Variants in LYST observed in about 807,000 individuals in gnomAD.
LYST encodes lysosomal trafficking regulator.
Under a neutral mutation model 413.6 loss-of-function variants are expected in LYST, and 192 were observed. The observed-to-expected ratio is 0.46, with a 90% CI of 0.41 to 0.52. The LOEUF (loss-of-function observed/expected upper bound fraction) is 0.52, where lower values mean the gene tolerates loss of function less well. Among genes scored for constraint, LYST ranks in the 20% least tolerant of loss-of-function variants. LYST has a pLI of 0.00. For missense variants in LYST, 3,815 were observed against 4,499.9 expected (o/e 0.85, Z 4.35); for synonymous variants, 1,525 against 1,567.3 (o/e 0.97, Z 0.64).
At chr1:235,687,343 T>C (rs1217067016) in intron 47 of LYST, among the ~76,000 whole-genome samples, 2 of 152,176 alleles carry the variant, frequency 1.3e-5, no homozygotes, top group African/African-American at 2.4e-5. Flanking sequence ...TTTAGATAAA[T>C]TTAACAAAAT....
chr1:235,820,379 T>C (rs1217093922), intron 3 of LYST, among the ~76,000 whole-genome samples: 3 of 151,756 alleles, frequency 2.0e-5, no homozygotes, highest in South Asian at 2.1e-4. Context: ...TTCTTTCTTT[T>C]TTTTTTTTGA....
At chr1:235,752,915 T>C (rs1666647975) in intron 26 of LYST, 129 bp downstream of exon 26, 2 of 534,776 alleles carry the variant, frequency 3.7e-6, no homozygotes, top group African/African-American at 1.9e-5. Context: ...TACTTTTATT[T>C]TAGGTTCAGA....
chr1:235,816,763 AC>A (rs1674156021), intron 3 of LYST, among the ~76,000 whole-genome samples: 1 of 152,190 alleles, frequency 6.6e-6, no homozygotes, highest in Non-Finnish European at 1.5e-5. Context: ...AAAGCTGCAC[AC>A]CTATAACCAT....
chr1:235,872,325 A>G lies in LYST; in HGVS notation n.454+10862T>C, dbSNP rs956930561. ...AAAAAAAAAAAAAAAAAAAAGTTTT[A>G]TGTAACATGGAAGACTTCAGAAATG... On this transcript the variant is annotated intron_variant and non_coding_transcript_variant, in intron 1 of 11. Transcript: ENST00000465349. 6.0e-5 allele frequency among the ~76,000 whole-genome samples: 9 copies of G among 150,750 alleles called. No individual in the cohort carries two copies. The South Asian group carries it at 1.3e-3, about 21-fold the overall frequency.
intron 40 of LYST, among the ~76,000 whole-genome samples, chr1:235,717,369 T>G (rs1484926058): frequency 6.6e-6 from 1 of 152,208 alleles, no homozygotes. Context: ...AGAGTATGTA[T>G]GCATGCGTAC....
intron 28 of LYST, among the ~76,000 whole-genome samples, chr1:235,749,859 C>T (rs7535375): frequency 0.5 from 75,806 of 151,898 alleles, 22,333 homozygotes; most frequent in African/African-American, 0.82. Flanking sequence ...AAGAGAGAGA[C>T]TAAAGACTGC....
rs543770091 is a variant in LYST at position 235,789,703 on chromosome 1, A to G, written c.4544-858T>C. Among the ~76,000 whole-genome samples, 9 of 152,308 alleles carry G rather than the reference A, an allele frequency of 5.9e-5. No homozygotes were observed. In the East Asian group the frequency reaches 1.7e-3, roughly 29 times the overall value. ...TCCCTGTAGCGATGACAATAGTTTT[A>G]AAAAAGAAGAGTTAAGGTCACTGAT... On this transcript the variant is annotated intron_variant, in intron 12 of 52. Coordinates refer to ENST00000389793, the MANE Select transcript of LYST (RefSeq NM_000081.4).
At chr1:235,800,091 G>T (rs2102818720) in intron 10 of LYST, among the ~76,000 whole-genome samples, 2 of 150,688 alleles carry the variant, frequency 1.3e-5, no homozygotes. Flanking sequence ...CAAGTAGCTA[G>T]GACCACAGAC....
chr1:235,846,031 CAGCACAAAAAT>C (rs1370044696), intron 1 of LYST, among the ~76,000 whole-genome samples: 1 of 152,140 alleles, frequency 6.6e-6, no homozygotes, highest in Non-Finnish European at 1.5e-5. Flanking sequence ...GGAGGCCAAC[CAGCACAAAAAT>C]AGAGCATTAA....
At chr1:235,774,832 A>G (rs1669065195) in intron 18 of LYST, 81 bp downstream of exon 18, 1 of 944,244 alleles carries the variant, frequency 1.1e-6, no homozygotes, top group Admixed American at 2.1e-5. Flanking sequence ...CTGAAATACA[A>G]AACTATTATT....
intron 47 of LYST, among the ~76,000 whole-genome samples, chr1:235,687,616 A>G (rs6696218): frequency 0.081 from 12,251 of 152,062 alleles, 555 homozygotes; most frequent in Middle Eastern, 0.15. Flanking sequence ...GTTTGAGTCA[A>G]TTTTCTATGT....
chr1:235,733,806 C>A, intron 33 of LYST, 24 bp downstream of exon 33: 1 of 1,545,052 alleles, frequency 6.5e-7, no homozygotes, highest in Non-Finnish European at 8.9e-7. Context: ...AAAATACATG[C>A]CTTTGGAACA....
chr1:235,790,497 C>T (rs1009094377), intron 12 of LYST, among the ~76,000 whole-genome samples: 1 of 152,204 alleles, frequency 6.6e-6, no homozygotes, highest in African/African-American at 2.4e-5. Flanking sequence ...GTAGAGCTAT[C>T]AGTTCTTAGG....
At chr1:235,815,045 T>C (rs1455236429) in intron 3 of LYST, among the ~76,000 whole-genome samples, 1 of 152,190 alleles carries the variant, frequency 6.6e-6, no homozygotes, top group Non-Finnish European at 1.5e-5. Context: ...TTAGTTCCTC[T>C]GTGGGGAGAC....
intron 50 of LYST, among the ~76,000 whole-genome samples, chr1:235,666,428 G>A (rs1232167464): frequency 1.3e-5 from 2 of 152,080 alleles, no homozygotes; most frequent in Non-Finnish European, 2.9e-5. Flanking sequence ...GAGATAGAAA[G>A]TAAAATAGAG....
chr1:235,775,769 C>A (rs1002624712), intron 17 of LYST, among the ~76,000 whole-genome samples: 3 of 151,946 alleles, frequency 2.0e-5, no homozygotes, highest in African/African-American at 7.3e-5. Flanking sequence ...AGGGTAAAGG[C>A]CTAAACTGGA....
chr1:235,757,592 A>G, intron 23 of LYST, 134 bp from the exon 24 acceptor site: 1 of 723,072 alleles, frequency 1.4e-6, no homozygotes, highest in Admixed American at 2.2e-5. Context: ...AATGTTTCCT[A>G]ATTTAACTGT....
intron 40 of LYST, among the ~76,000 whole-genome samples, chr1:235,720,436 A>G (rs1296392726): frequency 1.3e-5 from 2 of 152,210 alleles, no homozygotes; most frequent in African/African-American, 2.4e-5. Context: ...AAGAAGTGAC[A>G]TAACAAGATG....
intron 3 of LYST, among the ~76,000 whole-genome samples, chr1:235,822,526 C>A (rs1220108190): frequency 2.0e-5 from 3 of 152,196 alleles, no homozygotes; most frequent in Admixed American, 6.6e-5. Flanking sequence ...ATGTGAAAGC[C>A]TCATGTGTAT....
Sources: allele counts gnomAD v4.1 joint callset (sites outside exome capture counted in the v4.1 genomes callset), GRCh38; gene constraint gnomAD v4.1.1; transcripts MANE v1.5; gene names NCBI Gene and HGNC (gene_info 2026-07-23, HGNC 2026-07-21).